AMBRA1: variants seen among roughly 807,000 people sequenced by gnomAD.
The protein encoded by AMBRA1 is activating molecule in BECN1-regulated autophagy protein 1.
AMBRA1 carries 47 observed loss-of-function variants against 125.4 expected under a neutral mutation model. The ratio of observed to expected loss-of-function variants is 0.37; its 90% CI spans 0.30 to 0.48. The LOEUF (loss-of-function observed/expected upper bound fraction) is 0.48. Ranked by LOEUF, AMBRA1 falls within the 20% of genes least tolerant of loss-of-function variation. The probability of loss-of-function intolerance (pLI) is 0.99; values close to 1 mark genes in which losing one functional copy is unlikely to be tolerated. For missense variants in AMBRA1, 1,331 were observed against 1,693.4 expected, an observed-to-expected ratio of 0.79 and a Z score of 3.76; for synonymous variants, 626 against 655.5, an observed-to-expected ratio of 0.95 and a Z score of 0.69.
chr11:46,400,473 GTTTTTTTTTTTTTTTTTTT>G (rs553040136), intron 17 of AMBRA1, among the ~76,000 whole-genome samples: 2,714 of 48,920 alleles, frequency 0.055, 158 homozygotes, highest in African/African-American at 0.16. Context: ...TCTTTCTATA[GTTTTTTTTTTTTTTTTTTT>G]TTTTTTTTTT....
intron 11 of AMBRA1, among the ~76,000 whole-genome samples, chr11:46,469,070 G>A (rs1294935697): frequency 6.6e-6 from 1 of 152,134 alleles, no homozygotes; most frequent in Non-Finnish European, 1.5e-5. Flanking sequence ...TTGAACCTGG[G>A]AGGCGGAGGT....
intron 1 of AMBRA1, among the ~76,000 whole-genome samples, chr11:46,565,869 C>T (rs963230858): frequency 1.1e-4 from 16 of 151,992 alleles, no homozygotes; most frequent in African/African-American, 3.9e-4. Context: ...ACCTCCCAGG[C>T]TCAAGTGATC....
intron 7 of AMBRA1, among the ~76,000 whole-genome samples, chr11:46,524,446 T>C (rs1025661123): frequency 2.0e-5 from 3 of 152,242 alleles, no homozygotes; most frequent in Non-Finnish European, 2.9e-5. Flanking sequence ...CCTTTTGATA[T>C]ATCTTAATGG....
intron 9 of AMBRA1, chr11:46,495,597 A>C (rs1950602216): frequency 6.6e-6 from 1 of 152,260 alleles, no homozygotes; most frequent in African/African-American, 2.4e-5. Context: ...AGATAAGACT[A>C]TATGGAATGT....
intron 1 of AMBRA1, among the ~76,000 whole-genome samples, chr11:46,549,268 T>C (rs1384402018): frequency 1.3e-5 from 2 of 152,224 alleles, no homozygotes; most frequent in African/African-American, 4.8e-5. Context: ...AAAATGGTAT[T>C]TCAAAAGAAT....
Position 46,441,970 on chromosome 11 carries a change from CT to C in AMBRA1, c.2632+1517del, listed in dbSNP as rs764444865. On this transcript the variant is annotated intron_variant, in intron 12 of 17. Transcript: ENST00000683756. ...TGGCTCAGTGCAAAAAAAAAAAAAA[CT>C]TTTTTTTTTTTTTTTTTGAGACAGG... is the stretch of plus-strand genomic sequence containing the variant. 2.9e-3 allele frequency among the ~76,000 whole-genome samples: 334 copies of C among 116,584 alleles called. 1 individual carries two copies. The highest frequency in any genetic ancestry group is 0.012 in the South Asian group (43 of 3,496). 76.5% of individuals were successfully genotyped at this position (116,584 alleles called of 152,430 possible). A position where few individuals can be genotyped will look rare whatever the true frequency, so the allele number is the denominator to read the frequency against.
At chr11:46,554,447 G>C (rs2043106473) in intron 1 of AMBRA1, among the ~76,000 whole-genome samples, 1 of 152,050 alleles carries the variant, frequency 6.6e-6, no homozygotes, top group Admixed American at 6.6e-5. Context: ...AAAATCAAAG[G>C]ATCAGGATTA....
intron 14 of AMBRA1, among the ~76,000 whole-genome samples, chr11:46,420,094 T>C (rs1946777618): frequency 6.6e-6 from 1 of 151,822 alleles, no homozygotes; most frequent in South Asian, 2.1e-4. Context: ...GGCCTAGCTA[T>C]GGTCCTGAGG....
intron 9 of AMBRA1, among the ~76,000 whole-genome samples, chr11:46,495,688 C>T (rs1462411297): frequency 2.0e-5 from 3 of 152,212 alleles, no homozygotes; most frequent in Non-Finnish European, 2.9e-5. Flanking sequence ...ACAAATTATA[C>T]ATGTACACAG....
chr11:46,523,529 T>G (rs1007531618), intron 7 of AMBRA1, among the ~76,000 whole-genome samples: 1 of 152,222 alleles, frequency 6.6e-6, no homozygotes, highest in Non-Finnish European at 1.5e-5. Context: ...TGGAAGCCAT[T>G]CAATTCCCTG....
chr11:46,525,568 C>T (rs1290765602), intron 7 of AMBRA1, among the ~76,000 whole-genome samples: 21 of 151,734 alleles, frequency 1.4e-4, no homozygotes, highest in African/African-American at 3.6e-4. Flanking sequence ...CTGACCAACA[C>T]GGTGAAACCC....
chr11:46,449,222 A>G (rs1035134032), intron 11 of AMBRA1, among the ~76,000 whole-genome samples: 8 of 152,196 alleles, frequency 5.3e-5, no homozygotes. Flanking sequence ...CGCAAAACAA[A>G]GTAAATAAAA....
At chr11:46,571,797 C>G (rs1209608417) in intron 1 of AMBRA1, among the ~76,000 whole-genome samples, 1 of 148,908 alleles carries the variant, frequency 6.7e-6, no homozygotes, top group East Asian at 2.0e-4. Flanking sequence ...TCAAGAGATT[C>G]TCCTGCCTCA....
chr11:46,593,852 T>G lies in AMBRA1; in HGVS notation c.-145A>C, dbSNP rs1591220396. 2.5e-6 allele frequency: 1 copy of G among 397,172 alleles called. No homozygotes were observed. Among genetic ancestry groups the G allele is most frequent in the East Asian group, 3.6e-5 (1 of 28,000 alleles). 24.6% of individuals were successfully genotyped at this position (397,172 alleles called of 1,614,324 possible). A position where few individuals can be genotyped will look rare whatever the true frequency, so the allele number is the denominator to read the frequency against. On this transcript the variant is annotated 5_prime_UTR_variant, in exon 1 of 18. Transcript: ENST00000683756. ...CCTGCAAGGCAGACGGGAGCTCGGTTTGCAGTCCAGCGAACGGGCTGAGCC... is the reference window on the plus strand; with the variant it reads ...CCTGCAAGGCAGACGGGAGCTCGGTGTGCAGTCCAGCGAACGGGCTGAGCC...
intron 1 of AMBRA1, among the ~76,000 whole-genome samples, chr11:46,555,227 A>G (rs2043128362): frequency 6.6e-6 from 1 of 152,222 alleles, no homozygotes; most frequent in Non-Finnish European, 1.5e-5. Flanking sequence ...TCTAAGAGAC[A>G]ATTATATTTA....
chr11:46,463,409 G>A (rs1044209141), intron 11 of AMBRA1, among the ~76,000 whole-genome samples: 2 of 152,128 alleles, frequency 1.3e-5, no homozygotes, highest in Non-Finnish European at 2.9e-5. Context: ...TGCTGTAGAA[G>A]GTATGCAGTA....
At chr11:46,489,945 TCA>T (rs1253196162) in intron 11 of AMBRA1, among the ~76,000 whole-genome samples, 1 of 152,210 alleles carries the variant, frequency 6.6e-6, no homozygotes, top group Non-Finnish European at 1.5e-5. Flanking sequence ...GGTCAGCCTC[TCA>T]CAGTGATATT....
chr11:46,547,779 T>TA, intron 3 of AMBRA1, 38 bp downstream of exon 3: 1 of 1,582,424 alleles, frequency 6.3e-7, no homozygotes. Flanking sequence ...GAAAGCACTG[T>TA]TATCACAAAT....
chr11:46,473,960 A>G (rs762194184), intron 11 of AMBRA1, among the ~76,000 whole-genome samples: 12 of 152,204 alleles, frequency 7.9e-5, no homozygotes, highest in Admixed American at 3.9e-4. Flanking sequence ...AGGATCCTTT[A>G]AGGATTCTTA....
Sources: gnomAD v4.1 joint callset for allele counts (sites outside exome capture counted in the v4.1 genomes callset) on GRCh38, gnomAD v4.1.1 for gene constraint, MANE v1.5 for transcripts, NCBI Gene and HGNC (gene_info 2026-07-23, HGNC 2026-07-21) for gene names.